DNER: variants seen among roughly 807,000 people sequenced by gnomAD.
DNER encodes delta/notch like EGF repeat containing, also known as delta and Notch-like epidermal growth factor-related receptor.
A neutral mutation model predicts 78.2 loss-of-function variants in DNER; 33 were observed. The ratio of observed to expected loss-of-function variants is 0.42; its 90% CI spans 0.32 to 0.56. The LOEUF is 0.56. DNER is among the 20% of genes least tolerant of loss of function. The pLI is 0.11. For missense variants in DNER, 918 were observed against 975.3 expected (o/e 0.94, Z 0.78); for synonymous variants, 417 against 384.8 (o/e 1.08, Z -0.98).
intron 1 of DNER, among the ~76,000 whole-genome samples, chr2:229,619,647 G>T (rs971983677): frequency 1.3e-5 from 2 of 152,160 alleles, no homozygotes; most frequent in Non-Finnish European, 2.9e-5. Flanking sequence ...CTGCTGGTAC[G>T]TATAGTGTAC....
In DNER at chr2:229,581,522, C is replaced by T. The variant is rs996514794; in HGVS notation, c.847+4336G>A. 5.9e-5 allele frequency among the ~76,000 whole-genome samples: 9 copies of T among 152,114 alleles called. 1 individual carries two copies. The highest frequency in any genetic ancestry group is 1.4e-4 in the African/African-American group (6 of 41,424). ...ATAAGTAAAGAGAGGCCAGAAGAGT[C>T]GAAATTTGGTGGCAACACAGCAGGA... On this transcript the variant is annotated intron_variant, in intron 4 of 12. Coordinates refer to ENST00000341772, the MANE Select transcript of DNER (RefSeq NM_139072.4).
At chr2:229,703,140 G>T (rs1280975601) in intron 1 of DNER, among the ~76,000 whole-genome samples, 1 of 152,058 alleles carries the variant, frequency 6.6e-6, no homozygotes, top group East Asian at 1.9e-4. Context: ...GACTCAACCT[G>T]ATTTTAGGAC....
chr2:229,714,318 G>A lies in DNER; in HGVS notation c.106C>T (p.Pro36Ser). 7.8e-7 allele frequency: 1 copy of A among 1,287,740 alleles called. No homozygotes were observed. Among genetic ancestry groups the A allele is most frequent in the Non-Finnish European group, 9.8e-7 (1 of 1,023,528 alleles). 79.8% of individuals were successfully genotyped at this position (1,287,740 alleles called of 1,614,324 possible). A position where few individuals can be genotyped will look rare whatever the true frequency, so the allele number is the denominator to read the frequency against. ...AGPRGSSLANPVPAAPLSAPG... is the reference protein window; with the variant it reads ...AGPRGSSLANSVPAAPLSAPG... ...GCAGACAGGGGCGCGGCGGGCACCG[G>A]GTTGGCCAGGGAGCTGCCTCGGGGC... Residue 36 changes from proline (P) to serine (S), a missense_variant, in exon 1 of 13, where the codon CCG (proline) becomes TCG (serine). Transcript: ENST00000341772.
intron 1 of DNER, among the ~76,000 whole-genome samples, chr2:229,672,219 T>C (rs997930117): frequency 2.6e-4 from 40 of 152,264 alleles, no homozygotes; most frequent in African/African-American, 9.1e-4. Flanking sequence ...AGACGCAGGC[T>C]CACCTGGTGT....
At chr2:229,520,036 T>A (rs1487247333) in intron 5 of DNER, among the ~76,000 whole-genome samples, 3 of 152,196 alleles carry the variant, frequency 2.0e-5, no homozygotes, top group Admixed American at 6.5e-5. Context: ...TAATTGCTCC[T>A]GAACAGACTT....
chr2:229,694,894 T>A (rs1361981781), intron 1 of DNER, among the ~76,000 whole-genome samples: 1 of 152,136 alleles, frequency 6.6e-6, no homozygotes, highest in Non-Finnish European at 1.5e-5. Context: ...TGTGAGGACA[T>A]GAGATTTGGG....
At chr2:229,472,046 G>T (rs1694935336) in intron 7 of DNER, among the ~76,000 whole-genome samples, 2 of 152,260 alleles carry the variant, frequency 1.3e-5, no homozygotes, top group Non-Finnish European at 2.9e-5. Context: ...ATCCAACATT[G>T]CATTCTAATA....
chr2:229,498,902 T>TA (rs1039990831), intron 6 of DNER, among the ~76,000 whole-genome samples: 3 of 152,130 alleles, frequency 2.0e-5, no homozygotes, highest in African/African-American at 7.2e-5. Flanking sequence ...ACAGAAATTT[T>TA]AAAAAAATTC....
intron 1 of DNER, among the ~76,000 whole-genome samples, chr2:229,602,114 C>T (rs1049465450): frequency 6.6e-6 from 1 of 152,028 alleles, no homozygotes; most frequent in Non-Finnish European, 1.5e-5. Flanking sequence ...CTCATACATC[C>T]TATCAAACTT....
intron 11 of DNER, among the ~76,000 whole-genome samples, chr2:229,379,530 T>C (rs1047919968): frequency 1.3e-5 from 2 of 152,250 alleles, no homozygotes; most frequent in African/African-American, 4.8e-5. Flanking sequence ...TGATAGGATT[T>C]CACTTCAAAA....
In DNER at chr2:229,456,425, G is replaced by A. The variant is rs148096901; in HGVS notation, c.1262-8885C>T. Among the ~76,000 whole-genome samples, 586 of 151,538 alleles carry A rather than the reference G, an allele frequency of 3.9e-3. 3 individuals carry two copies. The highest frequency in any genetic ancestry group is 6.3e-3 in the Non-Finnish European group (431 of 67,942). ...GGGACAAACATCTAAACCACACCAA[G>A]CAGAAAGGCCAAGAATGAGAGGGCA... On this transcript the variant is annotated intron_variant, in intron 7 of 12. Coordinates refer to ENST00000341772, the MANE Select transcript of DNER (RefSeq NM_139072.4).
At chr2:229,557,702 C>T (rs1292773291) in intron 4 of DNER, among the ~76,000 whole-genome samples, 1 of 149,434 alleles carries the variant, frequency 6.7e-6, no homozygotes, top group Non-Finnish European at 1.5e-5. Context: ...GAAAAGAAAA[C>T]CAAACCATAA....
At chr2:229,543,472 C>T (rs1696556514) in intron 5 of DNER, among the ~76,000 whole-genome samples, 1 of 152,196 alleles carries the variant, frequency 6.6e-6, no homozygotes. Flanking sequence ...AGAAGGGCCA[C>T]CCGTAATAAA....
intron 1 of DNER, among the ~76,000 whole-genome samples, chr2:229,655,318 G>A (rs1187342612): frequency 1.3e-5 from 2 of 151,938 alleles, no homozygotes; most frequent in East Asian, 1.9e-4. Flanking sequence ...TCAAAAGAGG[G>A]ACTGGTAAAA....
At chr2:229,519,643 C>T (rs1696055076) in intron 5 of DNER, among the ~76,000 whole-genome samples, 1 of 152,042 alleles carries the variant, frequency 6.6e-6, no homozygotes, top group African/African-American at 2.4e-5. Flanking sequence ...ATTCCAAATC[C>T]TTTGTCATTC....
intron 6 of DNER, among the ~76,000 whole-genome samples, chr2:229,493,118 G>T (rs143529422): frequency 3.3e-5 from 5 of 152,154 alleles, no homozygotes; most frequent in African/African-American, 1.2e-4. Flanking sequence ...CAACGCAAAG[G>T]CACTGACACT....
intron 1 of DNER, among the ~76,000 whole-genome samples, chr2:229,631,430 C>G (rs1449048562): frequency 6.6e-6 from 1 of 152,302 alleles, no homozygotes; most frequent in Non-Finnish European, 1.5e-5. Context: ...GAGCTCCCCT[C>G]CAGCTTCTTC....
intron 1 of DNER, among the ~76,000 whole-genome samples, chr2:229,599,324 TA>T (rs1697783860): frequency 6.6e-6 from 1 of 152,220 alleles, no homozygotes; most frequent in South Asian, 2.1e-4. Context: ...CAGACTTTAA[TA>T]GAGATATTAG....
intron 12 of DNER, 25 bp from the exon 13 acceptor site, chr2:229,358,676 G>A (rs1692144757): frequency 1.3e-6 from 2 of 1,593,344 alleles, no homozygotes; most frequent in Non-Finnish European, 1.7e-6. Context: ...AAAGGACTCT[G>A]GTTAGATAAA....
Sources: allele counts gnomAD v4.1 joint callset (sites outside exome capture counted in the v4.1 genomes callset), GRCh38; gene constraint gnomAD v4.1.1; transcripts MANE v1.5; gene names NCBI Gene and HGNC (gene_info 2026-07-23, HGNC 2026-07-21).